Variants in DNAH11 observed in about 807,000 individuals in gnomAD.
DNAH11 encodes the protein axonemal beta dynein heavy chain 11.
A neutral mutation model predicts 526.0 loss-of-function variants in DNAH11; 442 were observed. The ratio of observed to expected loss-of-function variants is 0.84; its 90% CI spans 0.78 to 0.91. DNAH11 has a LOEUF of 0.91. DNAH11 is among the 40% of genes least tolerant of loss of function. DNAH11 has a pLI of 0.00. For synonymous variants in DNAH11, 2,461 were observed against 1,935.9 expected (o/e 1.27, Z -7.12); for missense variants, 6,989 against 5,448.7 (o/e 1.28, Z -8.90).
chr7:21,610,179 G>A (rs2390543), intron 20 of DNAH11, among the ~76,000 whole-genome samples: 39,894 of 152,034 alleles, frequency 0.26, 5,458 homozygotes, highest in East Asian at 0.53. Flanking sequence ...GCGTGAACCT[G>A]GGAGGTGTAG....
At position 21,687,539 on chromosome 7, in the gene DNAH11, G is replaced by A. The variant is rs376741056; in HGVS notation, c.5924+12G>A. 1 of 1,611,622 alleles carries A rather than the reference G, an allele frequency of 6.2e-7. No homozygotes were observed. Among genetic ancestry groups the A allele is most frequent in the Non-Finnish European group, 8.5e-7 (1 of 1,178,818 alleles). ...AACAGGAAGAAGAGGTGAGTGGCATGCAGGCTATCTCTTGTTACAAATAGA... is the reference window on the plus strand; with the variant it reads ...AACAGGAAGAAGAGGTGAGTGGCATACAGGCTATCTCTTGTTACAAATAGA... On this transcript the variant is annotated intron_variant, in intron 34 of 81. Transcript: ENST00000409508.
intron 25 of DNAH11, among the ~76,000 whole-genome samples, chr7:21,633,497 G>C (rs183649933): frequency 1.3e-5 from 2 of 151,914 alleles, no homozygotes; most frequent in African/African-American, 4.8e-5. Context: ...TCTGATGTTG[G>C]GTTCATATAC....
intron 2 of DNAH11, among the ~76,000 whole-genome samples, chr7:21,557,964 C>T (rs1032890047): frequency 1.3e-5 from 2 of 152,158 alleles, no homozygotes; most frequent in African/African-American, 4.8e-5. Flanking sequence ...TATTTGGAGA[C>T]ATTTGTTTGA....
At chr7:21,680,935 T>C (rs1196002518) in intron 30 of DNAH11, among the ~76,000 whole-genome samples, 1 of 152,232 alleles carries the variant, frequency 6.6e-6, no homozygotes, top group Admixed American at 6.5e-5. Flanking sequence ...AGATTTGTAG[T>C]CATTTCCTTT....
At chr7:21,544,321 G>A (rs1206033618) in intron 1 of DNAH11, among the ~76,000 whole-genome samples, 1 of 152,172 alleles carries the variant, frequency 6.6e-6, no homozygotes, top group Non-Finnish European at 1.5e-5. Flanking sequence ...ATCACTAGGT[G>A]TGGTCATTGT....
At chr7:21,804,794 CT>C (rs1222543680) in intron 62 of DNAH11, among the ~76,000 whole-genome samples, 1 of 152,160 alleles carries the variant, frequency 6.6e-6, no homozygotes, top group Non-Finnish European at 1.5e-5. Flanking sequence ...CTCATTGTAG[CT>C]GGGTGATATT....
chr7:21,739,441 T>C, intron 47 of DNAH11, 130 bp from the exon 48 acceptor site: 1 of 637,072 alleles, frequency 1.6e-6, no homozygotes, highest in African/African-American at 1.9e-5. Context: ...TAAGGCTCAC[T>C]AGGTCAACCT....
chr7:21,708,566 A>C (rs1784354302), intron 40 of DNAH11, among the ~76,000 whole-genome samples: 1 of 152,136 alleles, frequency 6.6e-6, no homozygotes, highest in South Asian at 2.1e-4. Flanking sequence ...AGTGGGTTCC[A>C]ATCACCTTTA....
In DNAH11 at chr7:21,543,376, A is replaced by AGGC. The variant is rs2128424785; in HGVS notation, c.138_140dup (p.Ala47dup). The stretch of plus-strand genomic sequence containing the variant: ...GAGGAGGAGGAGGAGAACGAGGAGG[A>AGGC]GGCGGCGGCCAGGAGAGCGCGGAGT... On this transcript the variant is annotated inframe_insertion, in exon 1 of 82. Transcript: ENST00000409508. The AGGC allele has an allele frequency of 1.3e-6, 2 of 1,551,766 alleles. No individual in the cohort carries two copies. The highest frequency in any genetic ancestry group is 1.7e-6 in the Non-Finnish European group (2 of 1,146,988).
intron 74 of DNAH11, among the ~76,000 whole-genome samples, chr7:21,879,393 G>A (rs980148025): frequency 4.6e-5 from 7 of 151,836 alleles, no homozygotes; most frequent in African/African-American, 1.7e-4. Flanking sequence ...GGAGGCGGAG[G>A]TTGCAGTGAG....
At chr7:21,800,251 C>T (rs533263778) in intron 61 of DNAH11, among the ~76,000 whole-genome samples, 27 of 152,250 alleles carry the variant, frequency 1.8e-4, no homozygotes, top group South Asian at 8.3e-4. Flanking sequence ...CCTCTTTAAA[C>T]GCAGCCCTGT....
chr7:21,631,011 G>T lies in DNAH11; in HGVS notation c.4501-4860G>T, dbSNP rs79164451. Among the ~76,000 whole-genome samples the T allele has an allele frequency of 8.8e-3, 1,336 of 152,238 alleles. 7 individuals carry two copies. The highest frequency in any genetic ancestry group is 0.014 in the Non-Finnish European group (962 of 68,024). On this transcript the variant is annotated intron_variant, in intron 25 of 81. Coordinates refer to ENST00000409508, the MANE Select transcript of DNAH11 (RefSeq NM_001277115.2). ...CCTGATAACGACATACCCAGGGCTGGGCAATTTACAAAAGAAAGAGGTTTA... is the reference window on the plus strand; with the variant it reads ...CCTGATAACGACATACCCAGGGCTGTGCAATTTACAAAAGAAAGAGGTTTA...
intron 61 of DNAH11, among the ~76,000 whole-genome samples, chr7:21,792,556 T>C (rs1361405525): frequency 6.6e-6 from 1 of 152,204 alleles, no homozygotes; most frequent in Non-Finnish European, 1.5e-5. Flanking sequence ...TTTTTATTAT[T>C]GCTTCAATCT....
At chr7:21,679,245 GAA>G (rs1783041887) in intron 30 of DNAH11, among the ~76,000 whole-genome samples, 1 of 152,132 alleles carries the variant, frequency 6.6e-6, no homozygotes, top group Admixed American at 6.5e-5. Flanking sequence ...AGGGATGGGG[GAA>G]AACAGAAGAT....
intron 51 of DNAH11, among the ~76,000 whole-genome samples, chr7:21,747,226 T>G (rs1786188319): frequency 6.6e-6 from 1 of 152,208 alleles, no homozygotes; most frequent in Non-Finnish European, 1.5e-5. Context: ...GTTGTTTTGT[T>G]GTGTGGTCAT....
intron 32 of DNAH11, among the ~76,000 whole-genome samples, chr7:21,685,507 CTA>C: frequency 6.6e-6 from 1 of 152,260 alleles, no homozygotes; most frequent in South Asian, 2.1e-4. Flanking sequence ...GAATTATTTA[CTA>C]ATTGTTTACA....
intron 43 of DNAH11, among the ~76,000 whole-genome samples, chr7:21,718,426 C>T (rs1043697006): frequency 1.3e-5 from 2 of 152,190 alleles, no homozygotes; most frequent in Non-Finnish European, 2.9e-5. Flanking sequence ...GAGAAAGCCT[C>T]TGAATTCTAC....
chr7:21,792,867 C>T (rs960998572), intron 61 of DNAH11, among the ~76,000 whole-genome samples: 2 of 151,854 alleles, frequency 1.3e-5, no homozygotes, highest in African/African-American at 4.8e-5. Flanking sequence ...TTTTTAGTCT[C>T]AGTCATTTAT....
At chr7:21,633,309 C>G (rs73271636) in intron 25 of DNAH11, among the ~76,000 whole-genome samples, 2 of 152,156 alleles carry the variant, frequency 1.3e-5, no homozygotes, top group Admixed American at 1.3e-4. Context: ...AATAGTCTGT[C>G]GATGTCCATT....
Sources: gnomAD v4.1 joint callset for allele counts (sites outside exome capture counted in the v4.1 genomes callset) on GRCh38, gnomAD v4.1.1 for gene constraint, MANE v1.5 for transcripts, NCBI Gene and HGNC (gene_info 2026-07-23, HGNC 2026-07-21) for gene names.